Variants in ZNF114 observed in about 807,000 individuals in gnomAD.
ZNF114 encodes the protein zinc finger protein 114, also known as zinc finger protein 114 (Y18).
A neutral mutation model predicts 6.8 loss-of-function variants in ZNF114; 8 were observed. The observed-to-expected ratio is 1.18, with a 90% CI of 0.69 to 2.13. The LOEUF (loss-of-function observed/expected upper bound fraction) is 2.13, where lower values mean the gene tolerates loss of function less well. Among genes scored for constraint, ZNF114 ranks in the 30% most tolerant of loss-of-function variants. The pLI is 0.00. For missense variants in ZNF114, 472 were observed against 519.5 expected, an observed-to-expected ratio of 0.91 and a Z score of 0.89; for synonymous variants, 169 against 185.5, an observed-to-expected ratio of 0.91 and a Z score of 0.72.
Position 48,282,376 on chromosome 19 carries a change from G to C in ZNF114, c.15G>C (p.Ser5=), listed in dbSNP as rs369749924. The C allele has an allele frequency of 3.1e-6, 5 of 1,612,350 alleles. No homozygotes were observed. In the South Asian group the frequency reaches 5.5e-5, roughly 18 times the overall value. Residue 5 remains serine, a synonymous_variant, in exon 5 of 6, where the codon TCG becomes TCC. Transcript: ENST00000595607. The part of the protein sequence containing the change: MSQD[S]VTFADVAVNF... ...AACTGCATGTGTTATTTTAGGACTC[G>C]GTGACCTTCGCAGACGTGGCTGTGA...
chr19:48,279,662 G>A, intron 3 of ZNF114, 69 bp from the exon 4 acceptor site: 2 of 1,075,260 alleles, frequency 1.9e-6, no homozygotes, highest in Admixed American at 1.8e-5. Context: ...TTAATGTCAG[G>A]CAGGATCCAC....
intron 4 of ZNF114, 128 bp downstream of exon 4, chr19:48,279,936 C>T: frequency 7.3e-7 from 1 of 1,366,742 alleles, no homozygotes; most frequent in Non-Finnish European, 1.0e-6. Flanking sequence ...GCCGTGCTGC[C>T]CTAGGTCTCT....
At chr19:48,282,227 C>T in intron 4 of ZNF114, 144 bp from the exon 5 acceptor site, 1 of 1,160,706 alleles carries the variant, frequency 8.6e-7, no homozygotes, top group South Asian at 1.4e-5. Flanking sequence ...TTGACATCTG[C>T]AAAGACTCTA....
chr19:48,282,715 ATTTTATTTAT>A, intron 5 of ZNF114, among the ~76,000 whole-genome samples: 1 of 124,218 alleles, frequency 8.1e-6, no homozygotes, highest in Middle Eastern at 3.8e-3. Context: ...ATTTTATTTT[ATTTTATTTAT>A]TTTTTGAGAC....
At chr19:48,279,048 A>G (rs889853515) in intron 3 of ZNF114, among the ~76,000 whole-genome samples, 4 of 152,028 alleles carry the variant, frequency 2.6e-5, no homozygotes, top group African/African-American at 9.7e-5. Flanking sequence ...GGTGATGAAA[A>G]GTATTTGGAA....
intron 1 of ZNF114, among the ~76,000 whole-genome samples, chr19:48,270,439 A>C (rs1453141880): frequency 7.4e-6 from 1 of 135,754 alleles, no homozygotes; most frequent in East Asian, 2.5e-4. Flanking sequence ...AAAATAAAAA[A>C]GGAAGGAAGG....
rs1968020008 is a variant in ZNF114 at position 48,282,565 on chromosome 19, G to A, written c.136+68G>A. The A allele has an allele frequency of 2.6e-6, 4 of 1,526,384 alleles. No individual in the cohort carries two copies. The African/African-American group carries it at 5.6e-5, about 21-fold the overall frequency. 94.6% of individuals were successfully genotyped at this position (1,526,384 alleles called of 1,614,324 possible). A position where few individuals can be genotyped will look rare whatever the true frequency, so the allele number is the denominator to read the frequency against. On this transcript the variant is annotated intron_variant, in intron 5 of 5. Coordinates refer to ENST00000595607, the MANE Select transcript of ZNF114 (RefSeq NM_153608.4). The stretch of plus-strand genomic sequence containing the variant: ...GTGCTGGTTTGGAACCGTGTTCTGG[G>A]AAGTGCATTGGAAAATGGGAACTGG...
At chr19:48,277,997 C>T (rs181377320) in intron 3 of ZNF114, among the ~76,000 whole-genome samples, 52 of 151,846 alleles carry the variant, frequency 3.4e-4, no homozygotes, top group East Asian at 2.5e-3. Flanking sequence ...TGCAGTGGTG[C>T]GATCTCAGCT....
intron 4 of ZNF114, 133 bp downstream of exon 4, chr19:48,279,941 GTC>G: frequency 7.7e-7 from 1 of 1,305,852 alleles, no homozygotes; most frequent in Non-Finnish European, 1.1e-6. Context: ...GCTGCCCTAG[GTC>G]TCTGCACCTC....
intron 5 of ZNF114, among the ~76,000 whole-genome samples, chr19:48,284,416 A>T (rs1378962894): frequency 6.6e-6 from 1 of 151,006 alleles, no homozygotes; most frequent in Non-Finnish European, 1.5e-5. Flanking sequence ...TTTAAAAACA[A>T]TTTTTTTTTA....
intron 4 of ZNF114, among the ~76,000 whole-genome samples, chr19:48,280,173 A>G (rs1600842497): frequency 6.6e-6 from 1 of 152,124 alleles, no homozygotes; most frequent in African/African-American, 2.4e-5. Context: ...ATTTGAGGCC[A>G]GGAGTTCAAA....
chr19:48,272,621 C>CTTTTTTTTTTTTTTTTGAGAGGTAGTCT (rs1568989041), intron 3 of ZNF114, among the ~76,000 whole-genome samples: 1 of 124,836 alleles, frequency 8.0e-6, no homozygotes, highest in African/African-American at 3.2e-5. Flanking sequence ...TTGCAGTGAG[C>CTTTTTTTTTTTTTTTTGAGAGGTAGTCT]CGAGATCGTG....
chr19:48,271,531 G>A (rs984102017), intron 2 of ZNF114, 82 bp downstream of exon 2: 2 of 138,612 alleles, frequency 1.4e-5, no homozygotes, highest in Non-Finnish European at 3.2e-5. Flanking sequence ...GGGGGCGGGG[G>A]GTGGGACGGG....
chr19:48,286,272 G>T lies in ZNF114; in HGVS notation c.648G>T (p.Thr216=). The T allele has an allele frequency of 6.2e-7, 1 of 1,614,150 alleles. No individual in the cohort carries two copies. The highest frequency in any genetic ancestry group is 1.1e-5 in the South Asian group (1 of 91,068). The change falls in exon 6 of 6, where the codon ACG becomes ACT. Residue 216 remains threonine (T), a synonymous_variant. Transcript: ENST00000595607. ...TVHHIRDEID[T]GANRHQRNPF... Reference sequence around the variant, plus strand: ...ATCATATACGTGATGAAATTGATACGGGGGCCAACAGGCACCAGCGGAATC... The same window carrying T: ...ATCATATACGTGATGAAATTGATACTGGGGCCAACAGGCACCAGCGGAATC...
chr19:48,286,753 A>G lies in ZNF114; in HGVS notation c.1129A>G (p.Thr377Ala), dbSNP rs1372118322. 1.9e-6 allele frequency: 3 copies of G among 1,613,890 alleles called. No homozygotes were observed. The highest frequency in any genetic ancestry group is 2.5e-6 in the Non-Finnish European group (3 of 1,179,970). The change falls in exon 6 of 6, where the codon ACA becomes GCA. Residue 377 changes from threonine to alanine, a missense_variant. Physicochemically the swap from Thr to Ala is moderately conservative, Grantham distance 58. Coordinates refer to ENST00000595607, the MANE Select transcript of ZNF114 (RefSeq NM_153608.4). ...AGTCATTCGGGAGTCCTCAAAATAT[A>G]CACATATAAGGAGCCACACTGGAGA... is the stretch of plus-strand genomic sequence containing the variant. ...GKVIRESSKY[T>A]HIRSHTGEKP...
chr19:48,276,638 C>G (rs1047962104), intron 3 of ZNF114, among the ~76,000 whole-genome samples: 2 of 152,196 alleles, frequency 1.3e-5, no homozygotes, highest in East Asian at 3.9e-4. Flanking sequence ...CTTCCCACCC[C>G]ACAACCTCCT....
chr19:48,274,528 CAG>C (rs1967775384), intron 3 of ZNF114, among the ~76,000 whole-genome samples: 1 of 140,144 alleles, frequency 7.1e-6, no homozygotes, highest in African/African-American at 2.7e-5. Flanking sequence ...TTTTTTGAGA[CAG>C]AGTTTTTCTC....
chr19:48,275,233 AAGG>A (rs1967795161), intron 3 of ZNF114, among the ~76,000 whole-genome samples: 1 of 124,790 alleles, frequency 8.0e-6, no homozygotes, highest in African/African-American at 3.0e-5. Flanking sequence ...GGAAGGAAGG[AAGG>A]GAGGGAGGGA....
chr19:48,274,446 GGTTT>G (rs1967765125), intron 3 of ZNF114, among the ~76,000 whole-genome samples: 1 of 148,496 alleles, frequency 6.7e-6, no homozygotes, highest in South Asian at 2.2e-4. Flanking sequence ...GAGTTTTGGG[GGTTT>G]GTTTTTGTTT....
Sources: allele counts gnomAD v4.1 joint callset (sites outside exome capture counted in the v4.1 genomes callset), GRCh38; gene constraint gnomAD v4.1.1; transcripts MANE v1.5; gene names NCBI Gene and HGNC (gene_info 2026-07-23, HGNC 2026-07-21).